Variants in DAB1 observed in about 807,000 individuals in gnomAD.
The protein encoded by DAB1 is DAB adaptor protein 1.
Under a neutral mutation model 64.6 loss-of-function variants are expected in DAB1, and 15 were observed. That is an observed-to-expected ratio of 0.23 (90% CI 0.16 to 0.36). The LOEUF is 0.36. Ranked by LOEUF, DAB1 falls within the 10% of genes least tolerant of loss-of-function variation. DAB1 has a pLI of 1.00. For synonymous variants in DAB1, 235 were observed against 251.9 expected, an observed-to-expected ratio of 0.93 and a Z score of 0.64; for missense variants, 596 against 706.7, an observed-to-expected ratio of 0.84 and a Z score of 1.78.
At chr1:57,156,411 A>G (rs1660228559) in intron 2 of DAB1, among the ~76,000 whole-genome samples, 1 of 152,118 alleles carries the variant, frequency 6.6e-6, no homozygotes, top group Non-Finnish European at 1.5e-5. Flanking sequence ...CTTGAACTCT[A>G]TAAGGGTAGG....
chr1:57,752,479 G>A (rs1648602835), intron 6 of DAB1, among the ~76,000 whole-genome samples: 1 of 152,184 alleles, frequency 6.6e-6, no homozygotes, highest in South Asian at 2.1e-4. Context: ...TTTTAGCTGG[G>A]ATGGAGTATT....
intron 4 of DAB1, among the ~76,000 whole-genome samples, chr1:58,320,710 C>T (rs1384552463): frequency 6.6e-6 from 1 of 152,172 alleles, no homozygotes; most frequent in African/African-American, 2.4e-5. Context: ...CATAAGTATA[C>T]CAGATTGTTA....
intron 4 of DAB1, among the ~76,000 whole-genome samples, chr1:58,298,811 G>A (rs971226545): frequency 2.0e-5 from 3 of 152,216 alleles, no homozygotes; most frequent in Non-Finnish European, 4.4e-5. Flanking sequence ...CCAGTCTAGA[G>A]TAGGCACCCC....
intron 3 of DAB1, among the ~76,000 whole-genome samples, chr1:58,475,595 T>TAGC: frequency 6.6e-6 from 1 of 152,306 alleles, no homozygotes; most frequent in South Asian, 2.1e-4. Context: ...TTCTGAGCTG[T>TAGC]AGCAGATCAG....
intron 1 of DAB1, among the ~76,000 whole-genome samples, chr1:57,844,637 C>A (rs1653197259): frequency 6.6e-6 from 1 of 152,136 alleles, no homozygotes; most frequent in African/African-American, 2.4e-5. Context: ...CCTTCTCTGC[C>A]CTGCTCTAAG....
chr1:58,035,192 T>A (rs1232456536), intron 5 of DAB1, among the ~76,000 whole-genome samples: 1 of 152,126 alleles, frequency 6.6e-6, no homozygotes, highest in Non-Finnish European at 1.5e-5. Flanking sequence ...CACCTAGTAG[T>A]TCCTGCCACC....
intron 4 of DAB1, among the ~76,000 whole-genome samples, chr1:58,198,547 T>C (rs917465987): frequency 6.6e-6 from 1 of 152,204 alleles, no homozygotes; most frequent in Non-Finnish European, 1.5e-5. Flanking sequence ...TGTCCATGCC[T>C]TCCTTTGGTA....
At chr1:57,920,835 G>T (rs922130475) in intron 5 of DAB1, among the ~76,000 whole-genome samples, 4 of 152,162 alleles carry the variant, frequency 2.6e-5, no homozygotes, top group Admixed American at 2.0e-4. Context: ...ACTTTGGATT[G>T]TTGCTGGGAC....
chr1:58,116,375 T>C (rs987569563), intron 5 of DAB1, among the ~76,000 whole-genome samples: 3 of 152,196 alleles, frequency 2.0e-5, no homozygotes, highest in African/African-American at 7.2e-5. Context: ...CCACTATAAA[T>C]TGGGAGTTTA....
At chr1:58,348,190 T>C (rs1557736936) in intron 3 of DAB1, among the ~76,000 whole-genome samples, 1 of 152,106 alleles carries the variant, frequency 6.6e-6, no homozygotes. Context: ...CAAATACACC[T>C]CCTAACAACT....
intron 3 of DAB1, among the ~76,000 whole-genome samples, chr1:58,452,256 C>CA (rs1248172882): frequency 5.3e-5 from 8 of 150,072 alleles, no homozygotes; most frequent in Non-Finnish European, 1.0e-4. Context: ...TTTTAAAGGG[C>CA]AAAAAAAGAG....
intron 7 of DAB1, among the ~76,000 whole-genome samples, chr1:57,495,082 G>C (rs1211174378): frequency 6.6e-6 from 1 of 152,122 alleles, no homozygotes; most frequent in Non-Finnish European, 1.5e-5. Context: ...CAATCGCATA[G>C]GGATAGCATG....
intron 6 of DAB1, among the ~76,000 whole-genome samples, chr1:57,662,412 T>C (rs1010522729): frequency 2.6e-5 from 4 of 152,176 alleles, no homozygotes; most frequent in African/African-American, 9.7e-5. Flanking sequence ...GTCAGGCTGG[T>C]CTCGAACTCC....
chr1:58,074,538 A>G (rs1393881836), intron 5 of DAB1: 1 of 103,080 alleles, frequency 9.7e-6, no homozygotes, highest in Non-Finnish European at 1.9e-5. Flanking sequence ...ATATATATAT[A>G]TATATACACA....
At chr1:58,125,764 T>C (rs1451287413) in intron 5 of DAB1, among the ~76,000 whole-genome samples, 1 of 152,168 alleles carries the variant, frequency 6.6e-6, no homozygotes, top group African/African-American at 2.4e-5. Context: ...ACACTTTTTA[T>C]GGGACATTTA....
intron 3 of DAB1, among the ~76,000 whole-genome samples, chr1:58,447,384 T>G (rs764325355): frequency 6.7e-6 from 1 of 148,338 alleles, no homozygotes; most frequent in Non-Finnish European, 1.5e-5. Context: ...TGATCAACTT[T>G]CAGTCTCAGA....
chr1:57,437,926 C>T (rs1685757536), intron 7 of DAB1, among the ~76,000 whole-genome samples: 1 of 152,172 alleles, frequency 6.6e-6, no homozygotes, highest in Non-Finnish European at 1.5e-5. Flanking sequence ...TGGGCTCCAG[C>T]CCCCGCTCTG....
At chr1:57,959,630 T>C (rs994197218) in intron 5 of DAB1, among the ~76,000 whole-genome samples, 1 of 152,214 alleles carries the variant, frequency 6.6e-6, no homozygotes, top group Non-Finnish European at 1.5e-5. Context: ...TTTTTTAAAT[T>C]ATCTTGTAGC....
intron 1 of DAB1, among the ~76,000 whole-genome samples, chr1:57,382,053 A>T (rs188990315): frequency 6.6e-5 from 10 of 152,248 alleles, no homozygotes; most frequent in Admixed American, 5.9e-4. Flanking sequence ...TGAGGCTGCT[A>T]ATTAAGTCTC....
Sources: allele counts gnomAD v4.1 joint callset (sites outside exome capture counted in the v4.1 genomes callset), GRCh38; gene constraint gnomAD v4.1.1; transcripts MANE v1.5; gene names NCBI Gene and HGNC (gene_info 2026-07-23, HGNC 2026-07-21).